The following CTSA variants were observed in gnomAD, a reference collection of about 807,000 sequenced individuals.
The protein encoded by CTSA is cathepsin A.
A neutral mutation model predicts 66.7 loss-of-function variants in CTSA; 42 were observed. That is an observed-to-expected ratio of 0.63 (90% CI 0.49 to 0.81). The LOEUF is 0.81. CTSA is among the 40% of genes least tolerant of loss of function. The probability of loss-of-function intolerance (pLI) is 0.00; values close to 1 mark genes in which losing one functional copy is unlikely to be tolerated. For synonymous variants in CTSA, 225 were observed against 248.6 expected, an observed-to-expected ratio of 0.91 and a Z score of 0.89; for missense variants, 525 against 610.9, an observed-to-expected ratio of 0.86 and a Z score of 1.48.
In CTSA at chr20:45,891,557, T is replaced by C. The variant is rs1276870006; in HGVS notation, c.1-12T>C. On this transcript the variant is annotated splice_polypyrimidine_tract_variant and intron_variant, in intron 1 of 14. Transcript: ENST00000646241. This position sits in a 1 kb window ranked among gnomAD's most constrained non-coding sequence, Gnocchi z 4.6. ...AGGAGCGAGTCAACAGCCCCTCTGC[T>C]GCCTCCCGTAGATGATCCGAGCCGC... is the stretch of plus-strand genomic sequence containing the variant. 6.2e-7 allele frequency: 1 copy of C among 1,600,678 alleles called. No individual in the cohort carries two copies. Among genetic ancestry groups the C allele is most frequent in the South Asian group, 1.1e-5 (1 of 90,488 alleles).
At position 45,891,720 on chromosome 20, in the gene CTSA, C is replaced by A. The variant is rs538562022; in HGVS notation, c.152C>A (p.Ser51Tyr). Residue 51 changes from serine to tyrosine, a missense_variant, in exon 2 of 15, where the codon TCC (serine) becomes TAC (tyrosine). Around this residue, in one of 3 missense-constraint regions of CTSA, gnomAD observed 246 missense variants for 267.4 expected, o/e 0.92. Coordinates refer to ENST00000646241, the MANE Select transcript of CTSA (RefSeq NM_000308.4). The surrounding 1 kb of genome is among the most constrained non-coding windows in gnomAD (Gnocchi z 4.6). Reference sequence around the variant, plus strand: ...AAGCAGCCGTCTTTCCGCCAGTACTCCGGCTACCTCAAAGGCTCCGGCTCC... The same window carrying A: ...AAGCAGCCGTCTTTCCGCCAGTACTACGGCTACCTCAAAGGCTCCGGCTCC... ...LAKQPSFRQY[S>Y]GYLKGSGSKH... The A allele has an allele frequency of 1.9e-6, 3 of 1,613,578 alleles. No individual in the cohort carries two copies. Among genetic ancestry groups the A allele is most frequent in the Admixed American group, 1.7e-5 (1 of 60,030 alleles).
intron 6 of CTSA, 38 bp from the exon 7 acceptor site, chr20:45,893,182 G>A (rs1481168535): frequency 1.3e-6 from 2 of 1,544,688 alleles, no homozygotes; most frequent in Non-Finnish European, 1.8e-6. Flanking sequence ...CTTCCTTTTT[G>A]CCCTCCACAT....
rs2075961 is a variant in CTSA at position 45,894,908 on chromosome 20, G to A, written c.948+7G>A. ...CAAGCGGATGTGGCATCAGGTGTGC[G>A]AGGGCGTGGGCTTCCTCCTGGTGAG... is the stretch of plus-strand genomic sequence containing the variant. On this transcript the variant is annotated splice_region_variant and intron_variant, in intron 10 of 14. Transcript: ENST00000646241. 1,043,810 of 1,613,730 alleles carry A rather than the reference G, an allele frequency of 0.65. 338,948 individuals are homozygous for A. The highest frequency in any genetic ancestry group is 0.76 in the Admixed American group (45,582 of 59,970).
chr20:45,895,197 G>A (rs375646041), intron 11 of CTSA, 64 bp downstream of exon 11: 2 of 1,593,652 alleles, frequency 1.3e-6, no homozygotes, highest in Non-Finnish European at 8.6e-7. Flanking sequence ...GGCATCGGCA[G>A]GTTTCTCAGG....
In CTSA at chr20:45,897,822, C is replaced by T. The variant is rs1601149126; in HGVS notation, c.1254+16C>T. On this transcript the variant is annotated intron_variant, in intron 13 of 14. Transcript: ENST00000646241. ...CAACCAGAAGGTAAGGTAGAGATTCCTGGCCCTGGGATAGGGGCTGCTGTG... is the reference window on the plus strand; with the variant it reads ...CAACCAGAAGGTAAGGTAGAGATTCTTGGCCCTGGGATAGGGGCTGCTGTG... 5 of 1,589,958 alleles carry T rather than the reference C, an allele frequency of 3.1e-6. No homozygotes were observed. In the Admixed American group the frequency reaches 8.3e-5, roughly 27 times the overall value.
intron 10 of CTSA, 35 bp downstream of exon 10, chr20:45,894,936 GGGGGCAGGGGGA>G (rs779068899): frequency 1.2e-6 from 2 of 1,613,938 alleles, no homozygotes; most frequent in Non-Finnish European, 1.7e-6. Flanking sequence ...CTGGTGAGGT[GGGGGCAGGGGGA>G]GGGGCAGGGA....
At chr20:45,896,700 G>C in intron 11 of CTSA, 3 of 472,754 alleles carry the variant, frequency 6.3e-6, no homozygotes, top group South Asian at 6.1e-5. Flanking sequence ...GTCTCCCAAA[G>C]TGCTAGGATT....
chr20:45,897,213 A>T, intron 12 of CTSA, 173 bp downstream of exon 12: 1 of 679,760 alleles, frequency 1.5e-6, no homozygotes, highest in South Asian at 1.6e-5. Flanking sequence ...GTTTGTCCCC[A>T]CCCATGCTGT....
chr20:45,891,634 G>A lies in CTSA; in HGVS notation c.66G>A (p.Trp22Ter), dbSNP rs779378519. The A allele has an allele frequency of 6.2e-7, 1 of 1,611,784 alleles. No individual in the cohort carries two copies. Among genetic ancestry groups the A allele is most frequent in the Non-Finnish European group, 8.5e-7 (1 of 1,179,790 alleles). The change falls in exon 2 of 15, where the codon TGG becomes TGA. Residue 22 changes from tryptophan to a stop codon, truncating the protein, a stop_gained. Coordinates refer to ENST00000646241, the MANE Select transcript of CTSA (RefSeq NM_000308.4). LOFTEE classifies it high-confidence loss of function. This position sits in a 1 kb window ranked among gnomAD's most constrained non-coding sequence, Gnocchi z 4.6. ...LLLLLLLLVS[W>*]ASRGEAAPDQ... Reference sequence around the variant, plus strand: ...TGCTGCTGCTGCTGCTAGTGTCCTGGGCGTCCCGAGGCGAGGCAGCCCCCG... The same window carrying A: ...TGCTGCTGCTGCTGCTAGTGTCCTGAGCGTCCCGAGGCGAGGCAGCCCCCG...
In CTSA at chr20:45,891,822, G is replaced by T; in HGVS notation, c.194+60G>T. 1 of 1,611,418 alleles carries T rather than the reference G, an allele frequency of 6.2e-7. No individual in the cohort carries two copies. The highest frequency in any genetic ancestry group is 1.1e-5 in the South Asian group (1 of 91,028). ...AAGAGATGACGGATGAGGGATGGGGGGTAGTTCTGCAGACCCCTGAGGATG... is the reference window on the plus strand; with the variant it reads ...AAGAGATGACGGATGAGGGATGGGGTGTAGTTCTGCAGACCCCTGAGGATG... On this transcript the variant is annotated intron_variant, in intron 2 of 14. Coordinates refer to ENST00000646241, the MANE Select transcript of CTSA (RefSeq NM_000308.4). The surrounding 1 kb of genome is among the most constrained non-coding windows in gnomAD (Gnocchi z 4.6).
In CTSA at chr20:45,892,421, G is replaced by A. The variant is rs750103795; in HGVS notation, c.381G>A (p.Glu127=). Residue 127 remains glutamate (E), a synonymous_variant, in exon 5 of 15, where the codon GAG becomes GAA. Coordinates refer to ENST00000646241, the MANE Select transcript of CTSA (RefSeq NM_000308.4). The part of the protein sequence containing the change: ...WNLIANVLYL[E]SPAGVGFSYS... ...AGATTGCCAATGTGTTATACCTGGA[G>A]TCCCCAGCTGGGGTGGGCTTCTCCT... The A allele has an allele frequency of 1.7e-5, 27 of 1,614,046 alleles. No individual in the cohort carries two copies. Among genetic ancestry groups the A allele is most frequent in the Admixed American group, 1.7e-4 (10 of 60,002 alleles).
At chr20:45,897,088 G>C in intron 12 of CTSA, 48 bp downstream of exon 12, 1 of 1,441,854 alleles carries the variant, frequency 6.9e-7, no homozygotes, top group Non-Finnish European at 9.8e-7. Context: ...TAGGACCCCA[G>C]AGTAGCACAG....
In CTSA at chr20:45,894,808, C is replaced by T. The variant is rs756803626; in HGVS notation, c.870-15C>T. 2.4e-4 allele frequency: 387 copies of T among 1,607,600 alleles called. No individual in the cohort carries two copies. The highest frequency in any genetic ancestry group is 3.1e-4 in the Non-Finnish European group (361 of 1,175,138). ...TCTGGAGGCTCCACACCCATTCCCC[C>T]ACCTCACATTGCAGGTATGAGAAGG... is the stretch of plus-strand genomic sequence containing the variant. On this transcript the variant is annotated splice_polypyrimidine_tract_variant and intron_variant, in intron 9 of 14. Coordinates refer to ENST00000646241, the MANE Select transcript of CTSA (RefSeq NM_000308.4).
chr20:45,892,559 A>G (rs1444960882), intron 5 of CTSA, 75 bp downstream of exon 5: 27 of 1,540,074 alleles, frequency 1.8e-5, no homozygotes, highest in Non-Finnish European at 2.3e-5. Context: ...GAGAGAGAGC[A>G]TGGCCTTGGA....
At chr20:45,894,480 T>A (rs1987131889) in intron 8 of CTSA, among the ~76,000 whole-genome samples, 170 bp from the exon 9 acceptor site, 1 of 152,182 alleles carries the variant, frequency 6.6e-6, no homozygotes, top group African/African-American at 2.4e-5. Context: ...GATGCTAGGA[T>A]TTGGACCCAG....
Position 45,892,831 on chromosome 20 carries a change from T to C in CTSA, c.551T>C (p.Ile184Thr). 1 of 1,614,146 alleles carries C rather than the reference T, an allele frequency of 6.2e-7. No individual in the cohort carries two copies. Among genetic ancestry groups the C allele is most frequent in the Non-Finnish European group, 8.5e-7 (1 of 1,180,022 alleles). Residue 184 changes from isoleucine to threonine, a missense_variant, in exon 6 of 15, where the codon ATC becomes ACC. Ile to Thr is a moderately conservative substitution (Grantham distance 89). Transcript: ENST00000646241. The stretch of plus-strand genomic sequence containing the variant: ...GGGGAGAGCTATGCTGGCATCTACA[T>C]CCCCACCCTGGCCGTGCTGGTCATG... ...LTGESYAGIY[I>T]PTLAVLVMQD... is the part of the protein sequence containing the mutation.
At chr20:45,895,203 TC>T in intron 11 of CTSA, 70 bp downstream of exon 11, 1 of 1,583,096 alleles carries the variant, frequency 6.3e-7, no homozygotes. Flanking sequence ...GGCAGGTTTC[TC>T]AGGGATCTTC....
Position 45,891,585 on chromosome 20 carries a change from C to A in CTSA, c.17C>A (p.Pro6Gln), listed in dbSNP as rs1279060101. 14 of 1,583,564 alleles carry A rather than the reference C, an allele frequency of 8.8e-6. No homozygotes were observed. Among genetic ancestry groups the A allele is most frequent in the Non-Finnish European group, 1.2e-5 (14 of 1,172,062 alleles). Residue 6 changes from proline to glutamine, a missense_variant, in exon 2 of 15, where the codon CCG (proline) becomes CAG (glutamine). Physicochemically the swap from Pro to Gln is moderately conservative, Grantham distance 76. This residue lies in a region of CTSA where 246 missense variants were observed against 267.4 expected (regional missense o/e 0.92). Transcript: ENST00000646241. The surrounding 1 kb of genome is among the most constrained non-coding windows in gnomAD (Gnocchi z 4.6). ...CTCCCGTAGATGATCCGAGCCGCGC[C>A]GCCGCCGCTGTTCCTGCTGCTGCTG... MIRAA[P>Q]PPLFLLLLLL... is the part of the protein sequence containing the mutation.
chr20:45,893,002 C>T (rs1051082078), intron 6 of CTSA, 122 bp downstream of exon 6: 2 of 1,207,802 alleles, frequency 1.7e-6, no homozygotes, highest in East Asian at 5.0e-5. Context: ...CTCCCCACCA[C>T]CGGCTGCCCT....
Sources: gnomAD v4.1 joint callset for allele counts (sites outside exome capture counted in the v4.1 genomes callset) on GRCh38, gnomAD v4.1.1 for gene constraint, gnomAD v4.1.1 regional missense constraint, Gnocchi (gnomAD v3.1) non-coding constraint, MANE v1.5 for transcripts, NCBI Gene and HGNC (gene_info 2026-07-23, HGNC 2026-07-21) for gene names.